The following DOCK4 variants were observed in gnomAD, a reference collection of about 807,000 sequenced individuals.
The protein encoded by DOCK4 is dedicator of cytokinesis protein 4.
Under a neutral mutation model 268.1 loss-of-function variants are expected in DOCK4, and 97 were observed. The observed-to-expected ratio is 0.36, with a 90% CI of 0.31 to 0.43. DOCK4 has a LOEUF of 0.43. Ranked by LOEUF, DOCK4 falls within the 20% of genes least tolerant of loss-of-function variation. The pLI is 1.00. For synonymous variants in DOCK4, 954 were observed against 887.2 expected (o/e 1.08, Z -1.34); for missense variants, 2,145 against 2,455.7 (o/e 0.87, Z 2.67).
At chr7:112,048,568 A>T (rs557530316) in intron 1 of DOCK4, among the ~76,000 whole-genome samples, 1 of 148,042 alleles carries the variant, frequency 6.8e-6, no homozygotes, top group East Asian at 2.4e-4. Context: ...ATCTCAAAAA[A>T]ACAAAAAAAA....
intron 1 of DOCK4, among the ~76,000 whole-genome samples, chr7:112,148,526 T>C (rs1406767633): frequency 1.3e-5 from 2 of 149,918 alleles, no homozygotes; most frequent in Non-Finnish European, 3.0e-5. Flanking sequence ...CACTGAATAA[T>C]AGGACTACTA....
chr7:112,061,570 C>T (rs1219396479), intron 1 of DOCK4, among the ~76,000 whole-genome samples: 3 of 151,942 alleles, frequency 2.0e-5, no homozygotes, highest in Admixed American at 6.6e-5. Flanking sequence ...GAACAAGAGT[C>T]GGCACACACA....
chr7:111,816,408 C>T (rs1269099620), intron 27 of DOCK4, among the ~76,000 whole-genome samples: 1 of 152,142 alleles, frequency 6.6e-6, no homozygotes, highest in East Asian at 1.9e-4. Context: ...AGATGAAATT[C>T]GTGGATAACC....
chr7:112,117,329 C>A (rs369007378), intron 1 of DOCK4, among the ~76,000 whole-genome samples: 1 of 152,094 alleles, frequency 6.6e-6, no homozygotes. Flanking sequence ...ATGTGTACAA[C>A]CATGCTACCA....
chr7:111,935,184 G>A (rs188855240), intron 12 of DOCK4, among the ~76,000 whole-genome samples: 95 of 152,008 alleles, frequency 6.2e-4, no homozygotes, highest in Non-Finnish European at 9.4e-4. Context: ...CTGACTTCAG[G>A]TGATCCACTA....
chr7:112,053,309 T>C (rs1805530019), intron 1 of DOCK4, among the ~76,000 whole-genome samples: 1 of 152,182 alleles, frequency 6.6e-6, no homozygotes, highest in Non-Finnish European at 1.5e-5. Context: ...CAGACTTCAC[T>C]GGAGTAGATC....
At chr7:111,951,153 A>G (rs1480716363) in intron 8 of DOCK4, among the ~76,000 whole-genome samples, 1 of 152,228 alleles carries the variant, frequency 6.6e-6, no homozygotes, top group Admixed American at 6.5e-5. Context: ...TTTATTATTT[A>G]TAACCTTTCT....
At chr7:112,015,712 CTG>C (rs1801754722) in intron 1 of DOCK4, among the ~76,000 whole-genome samples, 3 of 152,300 alleles carry the variant, frequency 2.0e-5, no homozygotes, top group Admixed American at 6.5e-5. Flanking sequence ...AAAAAATATA[CTG>C]TCTTAGTCCA....
At chr7:111,969,210 TAAAA>T (rs544019193) in intron 8 of DOCK4, among the ~76,000 whole-genome samples, 1 of 98,150 alleles carries the variant, frequency 1.0e-5, no homozygotes, top group South Asian at 3.1e-4. Flanking sequence ...TAGAGTATAA[TAAAA>T]AAAAAAAAAA....
At chr7:112,060,873 A>G (rs1806323448) in intron 1 of DOCK4, among the ~76,000 whole-genome samples, 1 of 152,162 alleles carries the variant, frequency 6.6e-6, no homozygotes, top group African/African-American at 2.4e-5. Flanking sequence ...TGATGAAAAG[A>G]GTTACGAAGA....
chr7:111,900,984 T>C (rs1387710840), intron 14 of DOCK4, among the ~76,000 whole-genome samples: 1 of 152,194 alleles, frequency 6.6e-6, no homozygotes, highest in Non-Finnish European at 1.5e-5. Flanking sequence ...CTCACCCCAA[T>C]TAGTAAGTAG....
intron 1 of DOCK4, among the ~76,000 whole-genome samples, chr7:112,053,355 A>T (rs1428399852): frequency 6.6e-6 from 1 of 152,224 alleles, no homozygotes; most frequent in African/African-American, 2.4e-5. Flanking sequence ...AAGGAAAAAC[A>T]GTCTTGCCTG....
chr7:112,174,497 T>A (rs988860528), intron 1 of DOCK4, among the ~76,000 whole-genome samples: 2 of 151,938 alleles, frequency 1.3e-5, no homozygotes, highest in African/African-American at 2.4e-5. Flanking sequence ...CTCTTTATCA[T>A]CACATCGTAA....
chr7:111,865,595 T>A (rs563307785), intron 22 of DOCK4, among the ~76,000 whole-genome samples: 19 of 152,366 alleles, frequency 1.2e-4, no homozygotes, highest in Middle Eastern at 3.4e-3. Context: ...TCCCTGGTGG[T>A]GTTCCTGTGA....
chr7:111,952,561 A>T (rs1448851973), intron 8 of DOCK4, among the ~76,000 whole-genome samples: 1 of 152,248 alleles, frequency 6.6e-6, no homozygotes, highest in Non-Finnish European at 1.5e-5. Context: ...ACCTCACATA[A>T]GAAGTAAAAC....
intron 1 of DOCK4, among the ~76,000 whole-genome samples, chr7:112,065,957 C>G (rs917746639): frequency 1.3e-5 from 2 of 152,184 alleles, no homozygotes; most frequent in African/African-American, 2.4e-5. Context: ...GATATCACAT[C>G]AAGTGTCCAG....
At chr7:111,755,236 G>C (rs140131161) in intron 42 of DOCK4, among the ~76,000 whole-genome samples, 88 of 152,250 alleles carry the variant, frequency 5.8e-4, no homozygotes, top group Admixed American at 4.4e-3. Flanking sequence ...AATTAGGAGA[G>C]CTGGAATTCC....
At chr7:112,086,418 T>C (rs1211632190) in intron 1 of DOCK4, among the ~76,000 whole-genome samples, 1 of 152,126 alleles carries the variant, frequency 6.6e-6, no homozygotes, top group Non-Finnish European at 1.5e-5. Flanking sequence ...GGTTTTGTTT[T>C]CTTAACAGGA....
chr7:111,789,649 C>A (rs1023455343), intron 31 of DOCK4, among the ~76,000 whole-genome samples: 1 of 152,110 alleles, frequency 6.6e-6, no homozygotes. Flanking sequence ...ATGTGTATAC[C>A]GATACAGGTG....
Sources: gnomAD v4.1 joint callset for allele counts (sites outside exome capture counted in the v4.1 genomes callset) on GRCh38, gnomAD v4.1.1 for gene constraint, MANE v1.5 for transcripts, NCBI Gene and HGNC (gene_info 2026-07-23, HGNC 2026-07-21) for gene names.